The following GFRA2 variants were observed in gnomAD, a reference collection of about 807,000 sequenced individuals.
The protein encoded by GFRA2 is GDNF family receptor alpha-2.
A neutral mutation model predicts 48.3 loss-of-function variants in GFRA2; 17 were observed. That is an observed-to-expected ratio of 0.35 (90% CI 0.24 to 0.53). The LOEUF (loss-of-function observed/expected upper bound fraction) is 0.53, where lower values mean the gene tolerates loss of function less well. Ranked by LOEUF, GFRA2 falls within the 20% of genes least tolerant of loss-of-function variation. The probability of loss-of-function intolerance (pLI) is 0.93; values close to 1 mark genes in which losing one functional copy is unlikely to be tolerated. For missense variants in GFRA2, 660 were observed against 637.3 expected, an observed-to-expected ratio of 1.04 and a Z score of -0.38; for synonymous variants, 305 against 257.2, an observed-to-expected ratio of 1.19 and a Z score of -1.78.
Position 21,691,860 on chromosome 8 carries a change from G to GTGGACACATGGGTGAGACACATGGA in GFRA2, c.*1393_*1417dup, listed in dbSNP as rs1801894133. ...TAAGAGAGCTCCATCTACACACAAT[G>GTGGACACATGGGTGAGACACATGGA]TGGACACATGGGTGAGACACATGGA... On this transcript the variant is annotated 3_prime_UTR_variant, in exon 9 of 9. Transcript: ENST00000524240. 6.6e-6 allele frequency: 1 copy of GTGGACACATGGGTGAGACACATGGA among 152,558 alleles called. No individual in the cohort carries two copies. The highest frequency in any genetic ancestry group is 1.5e-5 in the Non-Finnish European group (1 of 68,118). The allele number at this position is 152,558 out of a possible 1,614,324, so 9.5% of individuals were successfully genotyped here. A position where few individuals can be genotyped will look rare whatever the true frequency, so the allele number is the denominator to read the frequency against.
chr8:21,754,683 A>G (rs1443710018), intron 3 of GFRA2, among the ~76,000 whole-genome samples: 1 of 151,730 alleles, frequency 6.6e-6, no homozygotes, highest in Non-Finnish European at 1.5e-5. Context: ...TAATTTTTGT[A>G]TTTTTAGAAG....
chr8:21,700,597 C>G (rs1802425411), intron 7 of GFRA2, among the ~76,000 whole-genome samples: 1 of 152,152 alleles, frequency 6.6e-6, no homozygotes, highest in Non-Finnish European at 1.5e-5. Flanking sequence ...GGGCTGTGGA[C>G]ATGCTGCTGT....
chr8:21,706,477 A>G (rs938148279), intron 4 of GFRA2: 3 of 457,700 alleles, frequency 6.6e-6, no homozygotes, highest in Non-Finnish European at 1.3e-5. Flanking sequence ...CCCACCAGCA[A>G]AACAGGTGAC....
chr8:21,701,805 A>G (rs1019363254), intron 7 of GFRA2, among the ~76,000 whole-genome samples: 5 of 152,206 alleles, frequency 3.3e-5, no homozygotes, highest in Non-Finnish European at 7.3e-5. Flanking sequence ...GGCTCGGCAA[A>G]CTGCAGAAGA....
intron 2 of GFRA2, among the ~76,000 whole-genome samples, chr8:21,776,257 G>A (rs1806701835): frequency 6.6e-6 from 1 of 152,164 alleles, no homozygotes; most frequent in South Asian, 2.1e-4. Flanking sequence ...CCCCCTGCAG[G>A]CTCACCGAGC....
chr8:21,756,147 G>A (rs1472051897), intron 3 of GFRA2, among the ~76,000 whole-genome samples: 1 of 152,192 alleles, frequency 6.6e-6, no homozygotes, highest in Non-Finnish European at 1.5e-5. Context: ...GGTTCCCCAG[G>A]TGCTCCGTTC....
chr8:21,723,415 C>A (rs1803699056), intron 4 of GFRA2, among the ~76,000 whole-genome samples: 3 of 151,962 alleles, frequency 2.0e-5, no homozygotes, highest in Non-Finnish European at 4.4e-5. Context: ...AAAGGCAGAC[C>A]CAGGAAGAGA....
rs1302149596 is a variant in GFRA2 at position 21,759,425 on chromosome 8, AGAGGGAAAGAGG to A, written c.440-8495_440-8484del. Reference sequence around the variant, plus strand: ...GGAAGAGAGAGAGGGAAAGAGGGAAAGAGGGAAAGAGGGAGGGAGAGAGGGAGAGAGGGAGGG... The same window carrying A: ...GGAAGAGAGAGAGGGAAAGAGGGAAAGAGGGAGAGAGGGAGAGAGGGAGGG... On this transcript the variant is annotated intron_variant, in intron 3 of 8. Transcript: ENST00000524240. Among the ~76,000 whole-genome samples, 81 of 133,484 alleles carry A rather than the reference AGAGGGAAAGAGG, an allele frequency of 6.1e-4. 3 individuals are homozygous for A. In the East Asian group the frequency reaches 0.016, roughly 27 times the overall value. 87.6% of individuals were successfully genotyped at this position (133,484 alleles called of 152,430 possible). A position where few individuals can be genotyped will look rare whatever the true frequency, so the allele number is the denominator to read the frequency against.
At position 21,788,459 on chromosome 8, in the gene GFRA2, G is replaced by T. The variant is rs1025199932; in HGVS notation, c.-300C>A. ...AGCCAACAGCCCAGTCCTGGGGTCA[G>T]CCCTCCCCTCCAATCGTCCGGGAAG... On this transcript the variant is annotated 5_prime_UTR_variant, in exon 1 of 9. In the 5' UTR this introduces an upstream ATG that the reference lacks. Coordinates refer to ENST00000524240, the MANE Select transcript of GFRA2 (RefSeq NM_001495.5). The T allele has an allele frequency of 6.2e-6, 7 of 1,135,318 alleles. No individual in the cohort carries two copies. The African/African-American group carries it at 1.1e-4, about 18-fold the overall frequency. The allele number at this position is 1,135,318 out of a possible 1,614,324, so 70.3% of individuals were successfully genotyped here.
At chr8:21,748,975 C>A in intron 4 of GFRA2, among the ~76,000 whole-genome samples, 1 of 152,176 alleles carries the variant, frequency 6.6e-6, no homozygotes, top group East Asian at 1.9e-4. Flanking sequence ...CAGGTCAAGG[C>A]CCCCTCCTCC....
chr8:21,716,924 C>T (rs1465892400), intron 4 of GFRA2, among the ~76,000 whole-genome samples: 1 of 152,230 alleles, frequency 6.6e-6, no homozygotes, highest in Non-Finnish European at 1.5e-5. Flanking sequence ...GAGAGTCCCC[C>T]AGCACTAGCT....
chr8:21,696,836 A>G (rs1802200037), intron 7 of GFRA2, among the ~76,000 whole-genome samples: 1 of 151,288 alleles, frequency 6.6e-6, no homozygotes, highest in Admixed American at 6.6e-5. Context: ...GGAAGAGAGG[A>G]AACCAGGTGA....
At chr8:21,733,556 C>T (rs538231171) in intron 4 of GFRA2, among the ~76,000 whole-genome samples, 6 of 152,326 alleles carry the variant, frequency 3.9e-5, no homozygotes, top group African/African-American at 1.4e-4. Context: ...CCAGCCCTTC[C>T]CGCATTTTAA....
At chr8:21,784,684 G>C (rs1192885580) in intron 1 of GFRA2, among the ~76,000 whole-genome samples, 1 of 152,192 alleles carries the variant, frequency 6.6e-6, no homozygotes, top group Admixed American at 6.5e-5. Context: ...GCTTCTTCGG[G>C]GCCCAGAGCA....
At chr8:21,810,061 C>G (rs549201638) in intron 1 of GFRA2, among the ~76,000 whole-genome samples, 2 of 152,156 alleles carry the variant, frequency 1.3e-5, no homozygotes, top group East Asian at 1.9e-4. Context: ...AATAAACAAG[C>G]CTTGGTCTCT....
intron 4 of GFRA2, among the ~76,000 whole-genome samples, chr8:21,713,368 G>A (rs888285747): frequency 6.6e-6 from 1 of 151,804 alleles, no homozygotes; most frequent in African/African-American, 2.4e-5. Context: ...GCTCGTTTTT[G>A]TATTTTTAAT....
In GFRA2 at chr8:21,705,108, T is replaced by G. The variant is rs1179054697; in HGVS notation, c.922A>C (p.Asn308His). The G allele has an allele frequency of 6.2e-7, 1 of 1,610,286 alleles. No individual in the cohort carries two copies. Among genetic ancestry groups the G allele is most frequent in the Non-Finnish European group, 8.5e-7 (1 of 1,178,956 alleles). Residue 308 changes from asparagine (N) to histidine (H), a missense_variant, in exon 6 of 9, where the codon AAC (asparagine) becomes CAC (histidine). By Grantham distance (68) the Asn-to-His change is moderately conservative. Transcript: ENST00000524240. ...AGMIGFDMTPNYVDSSPTGIV... is the reference protein window; with the variant it reads ...AGMIGFDMTPHYVDSSPTGIV... ...CCAGTGGGGCTGGAGTCCACATAGTTAGGTGTCATGTCAAACCCTGGGCAG... is the reference window on the plus strand; with the variant it reads ...CCAGTGGGGCTGGAGTCCACATAGTGAGGTGTCATGTCAAACCCTGGGCAG...
intron 4 of GFRA2, among the ~76,000 whole-genome samples, chr8:21,730,223 G>A (rs1211166378): frequency 1.3e-5 from 2 of 152,092 alleles, no homozygotes; most frequent in Non-Finnish European, 2.9e-5. Flanking sequence ...TGGGCAACAT[G>A]GTAAAACCCC....
intron 3 of GFRA2, among the ~76,000 whole-genome samples, chr8:21,759,698 G>T (rs1219573042): frequency 6.6e-6 from 1 of 152,040 alleles, no homozygotes; most frequent in Non-Finnish European, 1.5e-5. Context: ...AGACCAGCCT[G>T]GCCAACAGAG....
Sources: gnomAD v4.1 joint callset for allele counts (sites outside exome capture counted in the v4.1 genomes callset) on GRCh38, gnomAD v4.1.1 for gene constraint, MANE v1.5 for transcripts, NCBI Gene and HGNC (gene_info 2026-07-23, HGNC 2026-07-21) for gene names.